Variants in CUX2 observed in about 807,000 individuals in gnomAD.
CUX2 encodes cut like homeobox 2, also known as homeobox protein cut-like 2.
A neutral mutation model predicts 144.8 loss-of-function variants in CUX2; 40 were observed. The ratio of observed to expected loss-of-function variants is 0.28; its 90% confidence interval spans 0.21 to 0.36. The LOEUF is 0.36. Among genes scored for constraint, CUX2 ranks in the 10% least tolerant of loss-of-function variants. The pLI, the probability that CUX2 is intolerant of heterozygous loss-of-function variation, is 1.00. For synonymous variants in CUX2, 827 were observed against 875.6 expected, an observed-to-expected ratio of 0.94 and a Z score of 0.98; for missense variants, 1,615 against 1,994.0, an observed-to-expected ratio of 0.81 and a Z score of 3.62.
At position 111,147,083 on chromosome 12, in the gene CUX2, C is replaced by T. The variant is rs542581700; in HGVS notation, c.64-67117C>T. ...TCGGGAGGCAGTGGTTCCAGTGAGCCGAGATCATGCCATGCACTGTAGCCT... is the reference window on the plus strand; with the variant it reads ...TCGGGAGGCAGTGGTTCCAGTGAGCTGAGATCATGCCATGCACTGTAGCCT... On this transcript the variant is annotated intron_variant, in intron 1 of 21. Coordinates refer to ENST00000261726, the MANE Select transcript of CUX2 (RefSeq NM_015267.4). 5.9e-5 allele frequency among the ~76,000 whole-genome samples: 9 copies of T among 152,236 alleles called. No individual in the cohort carries two copies. The South Asian group carries it at 1.7e-3, about 28-fold the overall frequency.
At chr12:111,054,220 TC>T (rs1870415936) in intron 1 of CUX2, among the ~76,000 whole-genome samples, 1 of 152,210 alleles carries the variant, frequency 6.6e-6, no homozygotes, top group Non-Finnish European at 1.5e-5. Context: ...AGAGCTGGCG[TC>T]CCCGGGCCTG....
At chr12:111,214,353 C>A in intron 2 of CUX2, 43 bp downstream of exon 2, 1 of 1,144,344 alleles carries the variant, frequency 8.7e-7, no homozygotes, top group Non-Finnish European at 1.3e-6. Flanking sequence ...AGTAGGAATG[C>A]AGATTTCTCT....
chr12:111,145,563 C>T (rs1876613489), intron 1 of CUX2, among the ~76,000 whole-genome samples: 1 of 152,100 alleles, frequency 6.6e-6, no homozygotes, highest in Non-Finnish European at 1.5e-5. Flanking sequence ...TGGCGGTCTC[C>T]CTATCTGTTG....
intron 19 of CUX2, 101 bp from the exon 20 acceptor site, chr12:111,338,185 G>A (rs776906973): frequency 8.4e-5 from 108 of 1,279,130 alleles, no homozygotes; most frequent in Non-Finnish European, 1.0e-4. Flanking sequence ...AGATAGCCTC[G>A]AGGCTCTCCC....
Position 111,347,858 on chromosome 12 carries a change from C to T in CUX2, c.3994C>T (p.His1332Tyr), listed in dbSNP as rs1342099687. Residue 1332 changes from histidine (H) to tyrosine (Y), a missense_variant, in exon 22 of 22, where the codon CAT becomes TAT. His to Tyr is a moderately conservative substitution (Grantham distance 83, BLOSUM62 2). This residue lies in a region of CUX2 where 298 missense variants were observed against 330.4 expected (regional missense o/e 0.90). Transcript: ENST00000261726. ...DKGQGPPKEEHPDPPGNDGLP... is the reference protein window; with the variant it reads ...DKGQGPPKEEYPDPPGNDGLP... ...AGGCCAAGGTCCCCCCAAAGAGGAG[C>T]ATCCCGACCCTCCGGGTAATGATGG... 6.2e-7 allele frequency: 1 copy of T among 1,614,124 alleles called. No homozygotes were observed.
At chr12:111,187,979 T>C (rs1879651354) in intron 1 of CUX2, among the ~76,000 whole-genome samples, 1 of 152,246 alleles carries the variant, frequency 6.6e-6, no homozygotes, top group Admixed American at 6.5e-5. Flanking sequence ...TTTTTAAACT[T>C]GGCCTATCTC....
chr12:111,153,169 C>T (rs1004512361), intron 1 of CUX2, among the ~76,000 whole-genome samples: 1 of 152,322 alleles, frequency 6.6e-6, no homozygotes, highest in Middle Eastern at 3.4e-3. Flanking sequence ...CCTTCCAAAC[C>T]GCAATGTATG....
intron 1 of CUX2, among the ~76,000 whole-genome samples, chr12:111,085,010 G>T (rs1350889590): frequency 6.6e-6 from 1 of 152,138 alleles, no homozygotes; most frequent in African/African-American, 2.4e-5. Context: ...GCCAGGCATT[G>T]TTCCACACAC....
chr12:111,153,466 A>C (rs1001481832), intron 1 of CUX2, among the ~76,000 whole-genome samples: 18 of 152,166 alleles, frequency 1.2e-4, no homozygotes, highest in Admixed American at 1.2e-3. Context: ...TTGCTCCTAG[A>C]CCACAAACCT....
In CUX2 at chr12:111,169,103, T is replaced by C. The variant is rs566835488; in HGVS notation, c.64-45097T>C. ...GGTGAAATCAGTTAAGATGAGGCCA[T>C]ACTAGAGTAGGGTGGGCCCTAAATC... On this transcript the variant is annotated intron_variant, in intron 1 of 21. Transcript: ENST00000261726. Among the ~76,000 whole-genome samples the C allele has an allele frequency of 5.3e-5, 8 of 152,282 alleles. No homozygotes were observed. The South Asian group carries it at 1.7e-3, about 32-fold the overall frequency.
intron 4 of CUX2, among the ~76,000 whole-genome samples, chr12:111,288,139 A>G (rs1444986699): frequency 1.3e-5 from 2 of 152,286 alleles, no homozygotes; most frequent in East Asian, 1.9e-4. Context: ...GAGTTGTACT[A>G]TGGAAGGCAA....
intron 9 of CUX2, 63 bp downstream of exon 9, chr12:111,298,652 C>T (rs1886137426): frequency 1.1e-5 from 16 of 1,469,178 alleles, no homozygotes; most frequent in East Asian, 2.5e-5. Flanking sequence ...GTGGGGGTCT[C>T]GGGCCAGATG....
At chr12:111,231,942 CTAAAAA>C (rs1646385326) in intron 3 of CUX2, among the ~76,000 whole-genome samples, 1 of 152,022 alleles carries the variant, frequency 6.6e-6, no homozygotes, top group Non-Finnish European at 1.5e-5. Context: ...CCTGTCTCTA[CTAAAAA>C]TACAGAAATT....
intron 1 of CUX2, among the ~76,000 whole-genome samples, chr12:111,202,561 CA>C (rs1159619101): frequency 6.6e-6 from 1 of 152,148 alleles, no homozygotes; most frequent in Non-Finnish European, 1.5e-5. Flanking sequence ...GCCAGTCTTT[CA>C]TCTGTTCATT....
intron 1 of CUX2, among the ~76,000 whole-genome samples, chr12:111,132,820 G>A (rs553022802): frequency 1.4e-3 from 214 of 151,856 alleles, no homozygotes; most frequent in African/African-American, 4.5e-3. Flanking sequence ...CGCCTGCCTC[G>A]GCCTCCCAAA....
Position 111,160,353 on chromosome 12 carries a change from G to A in CUX2, c.64-53847G>A, listed in dbSNP as rs568808498. On this transcript the variant is annotated intron_variant, in intron 1 of 21. Transcript: ENST00000261726. This position sits in a 1 kb window ranked among gnomAD's most constrained non-coding sequence, Gnocchi z 4.1. ...TGTCTGGCCTGTGTGTGCAGGGTGC[G>A]TGTCAGAGTGTGTATGGGCAAGCAT... 3.9e-5 allele frequency among the ~76,000 whole-genome samples: 6 copies of A among 152,272 alleles called. No individual in the cohort carries two copies. The highest frequency in any genetic ancestry group is 1.2e-4 in the African/African-American group (5 of 41,560).
At chr12:111,298,500 C>T (rs765115719) in intron 8 of CUX2, 41 bp from the exon 9 acceptor site, 51 of 1,549,534 alleles carry the variant, frequency 3.3e-5, no homozygotes, top group African/African-American at 5.5e-5. Context: ...GCCTGGAGCC[C>T]GCCGGAAGCC....
At chr12:111,272,327 C>A (rs938276180) in intron 4 of CUX2, among the ~76,000 whole-genome samples, 1 of 152,186 alleles carries the variant, frequency 6.6e-6, no homozygotes, top group South Asian at 2.1e-4. Flanking sequence ...CTCCCTCCTC[C>A]ATGCCCACGC....
intron 1 of CUX2, among the ~76,000 whole-genome samples, chr12:111,146,125 C>G (rs1876653121): frequency 6.6e-6 from 1 of 152,196 alleles, no homozygotes; most frequent in Admixed American, 6.5e-5. Flanking sequence ...CATTCTCTAC[C>G]ACCAGCAACA....
Sources: gnomAD v4.1 joint callset for allele counts (sites outside exome capture counted in the v4.1 genomes callset) on GRCh38, gnomAD v4.1.1 for gene constraint, gnomAD v4.1.1 regional missense constraint, Gnocchi (gnomAD v3.1) non-coding constraint, MANE v1.5 for transcripts, NCBI Gene and HGNC (gene_info 2026-07-23, HGNC 2026-07-21) for gene names.